The following CACNA1E variants were observed in gnomAD, a reference collection of about 807,000 sequenced individuals.
The protein encoded by CACNA1E is calcium voltage-gated channel subunit alpha1 E.
In CACNA1E, 40 loss-of-function variants were observed where a neutral mutation model predicts 259.2. The ratio of observed to expected loss-of-function variants is 0.15; its 90% CI spans 0.12 to 0.20. CACNA1E has a LOEUF of 0.20. Ranked by LOEUF, CACNA1E falls within the 10% of genes least tolerant of loss-of-function variation. CACNA1E has a pLI of 1.00. For missense variants in CACNA1E, 1,874 were observed against 3,040.1 expected, an observed-to-expected ratio of 0.62 and a Z score of 9.02; for synonymous variants, 1,104 against 1,138.5, an observed-to-expected ratio of 0.97 and a Z score of 0.61.
chr1:181,742,024 T>C (rs1209866076), intron 25 of CACNA1E, among the ~76,000 whole-genome samples: 3 of 152,200 alleles, frequency 2.0e-5, no homozygotes, highest in Admixed American at 2.0e-4. Flanking sequence ...TGCCTTCAAC[T>C]TCCCAAGCTT....
chr1:181,335,209 C>T (rs1048854357), intron 1 of CACNA1E, among the ~76,000 whole-genome samples: 2 of 151,794 alleles, frequency 1.3e-5, no homozygotes, highest in African/African-American at 4.8e-5. Context: ...AAACAGGATC[C>T]ACACTGTCTT....
chr1:181,525,247 G>A (rs1210646316), intron 3 of CACNA1E, among the ~76,000 whole-genome samples: 9 of 152,254 alleles, frequency 5.9e-5, no homozygotes, highest in Middle Eastern at 3.4e-3. Context: ...AAGGCCTAGC[G>A]GTGAGCAGTA....
chr1:181,654,592 G>A (rs1659036316), intron 7 of CACNA1E, among the ~76,000 whole-genome samples: 1 of 152,274 alleles, frequency 6.6e-6, no homozygotes, highest in Non-Finnish European at 1.5e-5. Context: ...AGATTATATA[G>A]GTAAAATATT....
At chr1:181,610,681 C>G (rs751645741) in intron 6 of CACNA1E, among the ~76,000 whole-genome samples, 1 of 152,136 alleles carries the variant, frequency 6.6e-6, no homozygotes, top group Admixed American at 6.5e-5. Context: ...TAGAGATGTC[C>G]TGAGGCTCAA....
chr1:181,650,469 A>G (rs1245352824), intron 6 of CACNA1E, among the ~76,000 whole-genome samples: 5 of 152,184 alleles, frequency 3.3e-5, no homozygotes, highest in African/African-American at 1.2e-4. Flanking sequence ...ACTATTTGGA[A>G]AGACTTCGAG....
intron 35 of CACNA1E, among the ~76,000 whole-genome samples, chr1:181,769,199 T>C (rs6691505): frequency 0.068 from 10,356 of 152,192 alleles, 418 homozygotes; most frequent in East Asian, 0.2. Flanking sequence ...TTCACAAGTC[T>C]CTTCTAGTTC....
chr1:181,798,773 G>T lies in CACNA1E; in HGVS notation c.6881G>T (p.Gly2294Val), dbSNP rs1320535544. The T allele has an allele frequency of 1.3e-6, 2 of 1,586,216 alleles. No individual in the cohort carries two copies. The highest frequency in any genetic ancestry group is 2.3e-5 in the South Asian group (2 of 88,544). The change falls in exon 48 of 48, where the codon GGC becomes GTC. Residue 2294 changes from glycine (G) to valine (V), a missense_variant. By Grantham distance (109) the Gly-to-Val change is moderately radical. Coordinates refer to ENST00000367573, the MANE Select transcript of CACNA1E (RefSeq NM_001205293.3). This position sits in a 1 kb window ranked among gnomAD's most constrained non-coding sequence, Gnocchi z 4.2. ...CGGAGGCGCGGGGGGCCTGGGCCAG[G>T]CATGATGTGTGGGGCTGTCAACAAC... ...RRRRRGGPGP[G>V]MMCGAVNNLL...
intron 3 of CACNA1E, among the ~76,000 whole-genome samples, chr1:181,515,055 C>T (rs1390280549): frequency 6.6e-6 from 1 of 152,132 alleles, no homozygotes; most frequent in Admixed American, 6.6e-5. Context: ...GCTCCAAGTT[C>T]CTTCTTTCAC....
chr1:181,381,002 C>G (rs2101995198), intron 1 of CACNA1E, among the ~76,000 whole-genome samples: 1 of 152,196 alleles, frequency 6.6e-6, no homozygotes, highest in East Asian at 1.9e-4. Flanking sequence ...CCCATCTCTA[C>G]TAAAAATACA....
intron 37 of CACNA1E, among the ~76,000 whole-genome samples, chr1:181,772,885 C>T (rs548469791): frequency 3.9e-5 from 6 of 152,238 alleles, no homozygotes; most frequent in African/African-American, 1.4e-4. Context: ...GTGGGAAGCC[C>T]TACGTGCCTC....
At position 181,579,642 on chromosome 1, in the gene CACNA1E, T is replaced by C. The variant is rs1651321561; in HGVS notation, c.769+418T>C. ...ACTAGTGTCTCTCTGTCCCTATCTC[T>C]CTGTCTACAGAAAAAAAAAGTGCAA... On this transcript the variant is annotated intron_variant, in intron 5 of 47. Coordinates refer to ENST00000367573, the MANE Select transcript of CACNA1E (RefSeq NM_001205293.3). 2.0e-5 allele frequency among the ~76,000 whole-genome samples: 3 copies of C among 152,078 alleles called. No homozygotes were observed. The South Asian group carries it at 6.2e-4, about 32-fold the overall frequency.
chr1:181,513,069 T>C (rs1345895602), intron 3 of CACNA1E, among the ~76,000 whole-genome samples: 2 of 152,234 alleles, frequency 1.3e-5, no homozygotes, highest in African/African-American at 2.4e-5. Context: ...AATGTGTATA[T>C]AATAAGTTTG....
At chr1:181,586,453 G>A (rs994013838) in intron 6 of CACNA1E, among the ~76,000 whole-genome samples, 1 of 152,156 alleles carries the variant, frequency 6.6e-6, no homozygotes, top group African/African-American at 2.4e-5. Context: ...TTCCAGGACT[G>A]AGTTCTGATG....
chr1:181,776,274 C>T lies in CACNA1E; in HGVS notation c.5267+46C>T, dbSNP rs1659966654. 6.2e-7 allele frequency: 1 copy of T among 1,603,624 alleles called. No individual in the cohort carries two copies. Among genetic ancestry groups the T allele is most frequent in the African/African-American group, 1.3e-5 (1 of 74,724 alleles). On this transcript the variant is annotated intron_variant, in intron 38 of 47. Coordinates refer to ENST00000367573, the MANE Select transcript of CACNA1E (RefSeq NM_001205293.3). The surrounding 1 kb of genome is among the most constrained non-coding windows in gnomAD (Gnocchi z 4.4). ...CCCCAGCGGGGCCCAGAGCAAAGGT[C>T]TCTGGAGTTCCCAGGGAAGAGGCTG...
intron 1 of CACNA1E, 61 bp from the exon 2 acceptor site, chr1:181,510,416 C>A: frequency 3.6e-6 from 4 of 1,106,694 alleles, no homozygotes; most frequent in Non-Finnish European, 4.1e-6. Flanking sequence ...TTTATGGGCA[C>A]GGCCATCTTG....
At chr1:181,507,379 C>T (rs1365352332) in intron 1 of CACNA1E, among the ~76,000 whole-genome samples, 1 of 152,238 alleles carries the variant, frequency 6.6e-6, no homozygotes, top group African/African-American at 2.4e-5. Context: ...TCCCCACAAA[C>T]CTCACATATC....
Position 181,483,758 on chromosome 1 carries a change from GGGA to G in CACNA1E, c.17_19del (p.Glu6del). The G allele has an allele frequency of 1.2e-6, 2 of 1,608,980 alleles. No individual in the cohort carries two copies. Among genetic ancestry groups the G allele is most frequent in the Non-Finnish European group, 1.7e-6 (2 of 1,177,878 alleles). On this transcript the variant is annotated inframe_deletion, in exon 1 of 48. Transcript: ENST00000367573. ...TTAAACCTCAGGATGGCTCGCTTCG[GGGA>G]GGCGGTGGTCGCCAGGCCAGGGTCC... is the stretch of plus-strand genomic sequence containing the variant.
rs16857365 is a variant in CACNA1E at position 181,467,169 on chromosome 1, C to T, written c.435-16575C>T. Among the ~76,000 whole-genome samples the T allele has an allele frequency of 5.9e-4, 90 of 152,232 alleles. 2 individuals are homozygous for T. In the East Asian group the frequency reaches 0.016, roughly 27 times the overall value. ...GAAGTGATCGAGCCTTTTTAGGAAA[C>T]GAAAGATCAGATTCAGAAAGCAAGG... On this transcript the variant is annotated intron_variant, in intron 2 of 11. Transcript: ENST00000524607.
chr1:181,705,563 C>T (rs1170011826), intron 7 of CACNA1E, among the ~76,000 whole-genome samples: 1 of 152,198 alleles, frequency 6.6e-6, no homozygotes, highest in African/African-American at 2.4e-5. Flanking sequence ...TGCTTAACTC[C>T]AATTCACCTT....
Sources: allele counts gnomAD v4.1 joint callset (sites outside exome capture counted in the v4.1 genomes callset), GRCh38; gene constraint gnomAD v4.1.1; non-coding constraint Gnocchi (gnomAD v3.1); transcripts MANE v1.5; gene names NCBI Gene and HGNC (gene_info 2026-07-23, HGNC 2026-07-21).